Variants in PTPRN2 observed in about 807,000 individuals in gnomAD.
The protein encoded by PTPRN2 is protein tyrosine phosphatase receptor type N2.
A neutral mutation model predicts 118.8 loss-of-function variants in PTPRN2; 74 were observed. The observed-to-expected ratio is 0.62, with a 90% CI of 0.52 to 0.76. The LOEUF is 0.76. Among genes scored for constraint, PTPRN2 ranks in the 30% least tolerant of loss-of-function variants. PTPRN2 has a pLI of 0.00. For missense variants in PTPRN2, 1,481 were observed against 1,394.4 expected, an observed-to-expected ratio of 1.06 and a Z score of -0.99; for synonymous variants, 641 against 608.0, an observed-to-expected ratio of 1.05 and a Z score of -0.80.
intron 3 of PTPRN2, among the ~76,000 whole-genome samples, chr7:158,247,221 G>T (rs756906996): frequency 2.0e-5 from 3 of 152,202 alleles, no homozygotes; most frequent in Non-Finnish European, 2.9e-5. Context: ...GAGCACCGAG[G>T]CGCACGCTGG....
At chr7:158,437,804 A>ATTC (rs1816672000) in intron 2 of PTPRN2, among the ~76,000 whole-genome samples, 1 of 152,208 alleles carries the variant, frequency 6.6e-6, no homozygotes. Flanking sequence ...AATTTGGCAA[A>ATTC]TGTGTCAGAG....
chr7:157,820,996 G>GA (rs1806802355), intron 12 of PTPRN2, among the ~76,000 whole-genome samples: 1 of 152,204 alleles, frequency 6.6e-6, no homozygotes, highest in Non-Finnish European at 1.5e-5. Context: ...AGGCAAGAGT[G>GA]CACCCTGCAG....
At chr7:158,313,054 G>A (rs999248709) in intron 3 of PTPRN2, among the ~76,000 whole-genome samples, 1 of 151,986 alleles carries the variant, frequency 6.6e-6, no homozygotes, top group African/African-American at 2.4e-5. Flanking sequence ...GAATGTGTGT[G>A]CAGGTTTGTC....
At chr7:158,312,146 C>A (rs115343356) in intron 3 of PTPRN2, among the ~76,000 whole-genome samples, 3,525 of 140,322 alleles carry the variant, frequency 0.025, 148 homozygotes, top group African/African-American at 0.088. Flanking sequence ...GTGTAGACAG[C>A]CACACATGCA....
chr7:158,270,941 A>ACCCCCCCACCTGGACCAC (rs1798418495), intron 3 of PTPRN2, among the ~76,000 whole-genome samples: 1 of 1,658 alleles, frequency 6.0e-4, no homozygotes, highest in Non-Finnish European at 9.7e-4. Context: ...CACCTGGACC[A>ACCCCCCCACCTGGACCAC]CCCCCCCACC....
chr7:158,483,178 A>G (rs559397042), intron 2 of PTPRN2, among the ~76,000 whole-genome samples: 99 of 152,234 alleles, frequency 6.5e-4, no homozygotes, highest in Admixed American at 3.3e-3. Context: ...GACATAGAAA[A>G]CCGGTATTAA....
intron 14 of PTPRN2, among the ~76,000 whole-genome samples, chr7:157,638,891 G>C (rs137882451): frequency 7.2e-5 from 11 of 152,338 alleles, no homozygotes; most frequent in African/African-American, 2.4e-4. Flanking sequence ...TGGCCCATCA[G>C]CACTCCCAGA....
chr7:158,081,687 G>T (rs547366834), intron 10 of PTPRN2, among the ~76,000 whole-genome samples: 2 of 152,308 alleles, frequency 1.3e-5, no homozygotes, highest in Non-Finnish European at 2.9e-5. Context: ...TAGAGAAAAA[G>T]AAAAGTTGTT....
At position 157,964,706 on chromosome 7, in the gene PTPRN2, C is replaced by T. The variant is rs565314238; in HGVS notation, c.1724-65969G>A. Among the ~76,000 whole-genome samples, 151 of 152,266 alleles carry T rather than the reference C, an allele frequency of 9.9e-4. No homozygotes were observed. Among genetic ancestry groups the T allele is most frequent in the African/African-American group, 2.6e-3 (109 of 41,564 alleles). On this transcript the variant is annotated intron_variant, in intron 11 of 22. Coordinates refer to ENST00000389418, the MANE Select transcript of PTPRN2 (RefSeq NM_002847.5). The surrounding 1 kb of genome is among the most constrained non-coding windows in gnomAD (Gnocchi z 9.0). ...CCTGAGGCAGCATCATGGACTTGAC[C>T]GACTCACCTCAGAGCTTGGCACTGG...
intron 11 of PTPRN2, among the ~76,000 whole-genome samples, chr7:157,901,190 C>A (rs1394205540): frequency 6.6e-6 from 1 of 152,208 alleles, no homozygotes; most frequent in Non-Finnish European, 1.5e-5. Context: ...AGTCGCTCAC[C>A]TCCACCCTGG....
chr7:158,483,717 AT>A (rs1820799508), intron 2 of PTPRN2, among the ~76,000 whole-genome samples: 4 of 152,248 alleles, frequency 2.6e-5, no homozygotes, highest in Middle Eastern at 3.4e-3. Context: ...AAGAAATGCA[AT>A]TCTCTGGCTA....
intron 11 of PTPRN2, among the ~76,000 whole-genome samples, chr7:157,952,904 G>T (rs1287706624): frequency 6.6e-6 from 1 of 152,114 alleles, no homozygotes; most frequent in Non-Finnish European, 1.5e-5. Context: ...CCCTCTCCAG[G>T]ACGTGAAGAT....
At chr7:158,131,198 A>C (rs1563479476) in intron 9 of PTPRN2, among the ~76,000 whole-genome samples, 1 of 151,786 alleles carries the variant, frequency 6.6e-6, no homozygotes, top group African/African-American at 2.4e-5. Flanking sequence ...CCTGACATAC[A>C]CACTCATATA....
intron 12 of PTPRN2, among the ~76,000 whole-genome samples, chr7:157,840,566 G>A (rs1011778246): frequency 2.0e-5 from 3 of 152,200 alleles, no homozygotes; most frequent in Non-Finnish European, 4.4e-5. Context: ...GGTACGGGAC[G>A]GGAGCTGCAG....
chr7:157,959,400 T>TAAAAAACATTATCTAAACAGTTAA (rs1025568234), intron 11 of PTPRN2, among the ~76,000 whole-genome samples: 2 of 152,196 alleles, frequency 1.3e-5, no homozygotes, highest in African/African-American at 4.8e-5. Flanking sequence ...TTCTGTGTAT[T>TAAAAAACATTATCTAAACAGTTAA]AAAAAACATT....
intron 6 of PTPRN2, among the ~76,000 whole-genome samples, chr7:158,141,329 T>C (rs937408753): frequency 1.3e-5 from 2 of 152,236 alleles, no homozygotes; most frequent in Non-Finnish European, 2.9e-5. Flanking sequence ...TGGCACTGCC[T>C]GTGGCACCCC....
intron 9 of PTPRN2, among the ~76,000 whole-genome samples, chr7:158,123,339 G>A (rs559241435): frequency 2.8e-4 from 42 of 152,332 alleles, no homozygotes; most frequent in African/African-American, 5.1e-4. Context: ...TGACCAACGC[G>A]TGGTGACTGA....
chr7:157,772,276 TACACAGACACACAAAC>T (rs1802904620), intron 12 of PTPRN2, among the ~76,000 whole-genome samples: 1 of 100,956 alleles, frequency 9.9e-6, no homozygotes, highest in African/African-American at 3.8e-5. Context: ...CATACAGACA[TACACAGACACACAAAC>T]ACACAGACAT....
intron 7 of PTPRN2, among the ~76,000 whole-genome samples, chr7:158,137,268 T>A (rs1818910456): frequency 6.6e-6 from 1 of 151,770 alleles, no homozygotes; most frequent in Non-Finnish European, 1.5e-5. Flanking sequence ...ATACAAAAAA[T>A]TAGCTGGGCG....
Sources: gnomAD v4.1 joint callset for allele counts (sites outside exome capture counted in the v4.1 genomes callset) on GRCh38, gnomAD v4.1.1 for gene constraint, Gnocchi (gnomAD v3.1) non-coding constraint, MANE v1.5 for transcripts, NCBI Gene and HGNC (gene_info 2026-07-23, HGNC 2026-07-21) for gene names.